The following SKAP1 variants were observed in gnomAD, a reference collection of about 807,000 sequenced individuals.
SKAP1 encodes src kinase-associated phosphoprotein 1.
Under a neutral mutation model 58.5 loss-of-function variants are expected in SKAP1, and 44 were observed. The ratio of observed to expected loss-of-function variants is 0.75; its 90% confidence interval spans 0.59 to 0.97. SKAP1 has a LOEUF of 0.97. SKAP1 is among the 50% of genes least tolerant of loss of function. The probability of loss-of-function intolerance (pLI) is 0.00; values close to 1 mark genes in which losing one functional copy is unlikely to be tolerated. For missense variants in SKAP1, 390 were observed against 435.2 expected (o/e 0.90, Z 0.92); for synonymous variants, 127 against 149.7 (o/e 0.85, Z 1.11).
intron 4 of SKAP1, among the ~76,000 whole-genome samples, chr17:48,197,494 G>T (rs2064653487): frequency 6.6e-6 from 1 of 152,028 alleles, no homozygotes; most frequent in African/African-American, 2.4e-5. Context: ...TTTGAGACCA[G>T]CCTGGCCAAC....
intron 10 of SKAP1, among the ~76,000 whole-genome samples, chr17:48,163,011 A>G (rs962671165): frequency 2.2e-4 from 34 of 152,228 alleles, no homozygotes; most frequent in African/African-American, 8.0e-4. Flanking sequence ...TTAGTCAGCC[A>G]GCAGGCTTCT....
intron 10 of SKAP1, among the ~76,000 whole-genome samples, chr17:48,166,897 C>T (rs2064147824): frequency 1.3e-5 from 2 of 151,492 alleles, no homozygotes; most frequent in Non-Finnish European, 2.9e-5. Context: ...TAGGGTCTTG[C>T]TCTGTCACCC....
intron 4 of SKAP1, among the ~76,000 whole-genome samples, chr17:48,339,153 G>C (rs534821247): frequency 1.3e-5 from 2 of 152,338 alleles, no homozygotes; most frequent in Admixed American, 6.5e-5. Context: ...TTCTTCCACA[G>C]TATGTGCCTC....
chr17:48,135,647 T>C (rs2063688702), intron 12 of SKAP1, among the ~76,000 whole-genome samples: 1 of 152,006 alleles, frequency 6.6e-6, no homozygotes, highest in African/African-American at 2.4e-5. Flanking sequence ...GTGGCTAATT[T>C]TTTAAAAAAA....
intron 10 of SKAP1, among the ~76,000 whole-genome samples, chr17:48,164,461 T>G (rs2064109633): frequency 6.6e-6 from 1 of 152,176 alleles, no homozygotes; most frequent in South Asian, 2.1e-4. Context: ...GGATATGGGA[T>G]AGGTCCTAAT....
chr17:48,209,442 T>C (rs1254041903), intron 4 of SKAP1, among the ~76,000 whole-genome samples: 2 of 152,198 alleles, frequency 1.3e-5, no homozygotes, highest in Admixed American at 6.5e-5. Context: ...ACCTAAGACA[T>C]TGTAGAATCT....
chr17:48,137,933 C>G (rs2063721762), intron 11 of SKAP1, among the ~76,000 whole-genome samples: 1 of 152,144 alleles, frequency 6.6e-6, no homozygotes, highest in East Asian at 1.9e-4. Context: ...TCCCTTCTAT[C>G]TTGTGGGGAT....
chr17:48,188,757 G>T (rs879645756), intron 5 of SKAP1, among the ~76,000 whole-genome samples: 2 of 151,626 alleles, frequency 1.3e-5, no homozygotes, highest in Non-Finnish European at 2.9e-5. Context: ...CCAGTACTTT[G>T]GGAGGCTGAG....
At chr17:48,272,387 C>T (rs1326355919) in intron 4 of SKAP1, among the ~76,000 whole-genome samples, 1 of 151,864 alleles carries the variant, frequency 6.6e-6, no homozygotes, top group Non-Finnish European at 1.5e-5. Context: ...CCACCTTGGC[C>T]TCCCAGGGTG....
At chr17:48,297,848 A>T (rs2065999981) in intron 4 of SKAP1, among the ~76,000 whole-genome samples, 1 of 152,242 alleles carries the variant, frequency 6.6e-6, no homozygotes, top group Admixed American at 6.5e-5. Context: ...CTGGCTTCAG[A>T]AATTTTGGCA....
chr17:48,324,066 C>T (rs763347297), intron 4 of SKAP1, among the ~76,000 whole-genome samples: 2 of 151,928 alleles, frequency 1.3e-5, no homozygotes, highest in Non-Finnish European at 2.9e-5. Context: ...CAACCAATGA[C>T]CTTTCATTTT....
chr17:48,254,281 C>T (rs1230022850), intron 4 of SKAP1, among the ~76,000 whole-genome samples: 3 of 152,036 alleles, frequency 2.0e-5, no homozygotes, highest in Non-Finnish European at 1.5e-5. Context: ...TCATAATGTG[C>T]AATGTGTAAA....
At chr17:48,208,214 G>A (rs779157826) in intron 4 of SKAP1, among the ~76,000 whole-genome samples, 1 of 152,076 alleles carries the variant, frequency 6.6e-6, no homozygotes, top group African/African-American at 2.4e-5. Context: ...AAGATATATG[G>A]GCGTTAGACC....
chr17:48,293,788 G>A (rs2065927762), intron 4 of SKAP1, among the ~76,000 whole-genome samples: 1 of 152,202 alleles, frequency 6.6e-6, no homozygotes, highest in Non-Finnish European at 1.5e-5. Context: ...GCTCACCTTT[G>A]TCGGATGAAC....
chr17:48,385,790 T>C (rs2067267791), intron 2 of SKAP1, among the ~76,000 whole-genome samples: 1 of 152,068 alleles, frequency 6.6e-6, no homozygotes. Context: ...TGGAGGATAT[T>C]GTGGGGTTTG....
intron 4 of SKAP1, among the ~76,000 whole-genome samples, chr17:48,339,292 A>G (rs2066615913): frequency 6.6e-6 from 1 of 152,202 alleles, no homozygotes; most frequent in African/African-American, 2.4e-5. Context: ...AATGAGAAAA[A>G]TGCTTGCTTG....
chr17:48,241,625 G>C (rs988055806), intron 4 of SKAP1, among the ~76,000 whole-genome samples: 19 of 152,172 alleles, frequency 1.2e-4, no homozygotes, highest in African/African-American at 4.6e-4. Context: ...CTCGGGGAAG[G>C]CCTAACAAAG....
chr17:48,141,442 G>A (rs1439035883), intron 11 of SKAP1, among the ~76,000 whole-genome samples: 2 of 151,742 alleles, frequency 1.3e-5, no homozygotes, highest in East Asian at 1.9e-4. Flanking sequence ...GCACTGACAC[G>A]ATCTCAGCTC....
At chr17:48,337,613 G>C (rs997653776) in intron 4 of SKAP1, among the ~76,000 whole-genome samples, 1 of 152,204 alleles carries the variant, frequency 6.6e-6, no homozygotes, top group East Asian at 1.9e-4. Flanking sequence ...TTAGTTCTAT[G>C]TCAAATCAAT....
Sources: allele counts gnomAD v4.1 joint callset (sites outside exome capture counted in the v4.1 genomes callset), GRCh38; gene constraint gnomAD v4.1.1; transcripts MANE v1.5; gene names NCBI Gene and HGNC (gene_info 2026-07-23, HGNC 2026-07-21).